The following CCDC73 variants were observed in gnomAD, a reference collection of about 807,000 sequenced individuals.
The protein encoded by CCDC73 is coiled-coil domain containing 73, also known as coiled-coil domain-containing protein 73.
A neutral mutation model predicts 116.5 loss-of-function variants in CCDC73; 95 were observed. The observed-to-expected ratio is 0.82, with a 90% CI of 0.69 to 0.97. CCDC73 has a LOEUF of 0.97. Ranked by LOEUF, CCDC73 falls within the 50% of genes least tolerant of loss-of-function variation. CCDC73 has a pLI of 0.00. For missense variants in CCDC73, 1,066 were observed against 1,206.8 expected (o/e 0.88, Z 1.73); for synonymous variants, 398 against 401.3 (o/e 0.99, Z 0.10).
intron 2 of CCDC73, among the ~76,000 whole-genome samples, chr11:32,719,326 G>C (rs1849970871): frequency 6.6e-6 from 1 of 152,164 alleles, no homozygotes; most frequent in Admixed American, 6.5e-5. Flanking sequence ...GAGCCCTTCT[G>C]CAAAATCTAG....
At chr11:32,776,982 T>C (rs1482513134) in intron 1 of CCDC73, among the ~76,000 whole-genome samples, 5 of 87,546 alleles carry the variant, frequency 5.7e-5, no homozygotes, top group East Asian at 4.9e-4. Context: ...CATATATATA[T>C]ACACATGTAT....
At chr11:32,717,933 A>T (rs1849959563) in intron 3 of CCDC73, 143 bp downstream of exon 3, 2 of 557,982 alleles carry the variant, frequency 3.6e-6, no homozygotes, top group Admixed American at 7.3e-5. Context: ...TCTCATGAGA[A>T]CTATCAGGAG....
At chr11:32,752,372 CA>C (rs1850294189) in intron 2 of CCDC73, among the ~76,000 whole-genome samples, 1 of 152,074 alleles carries the variant, frequency 6.6e-6, no homozygotes, top group African/African-American at 2.4e-5. Flanking sequence ...ATCACTGTAG[CA>C]AAATATTTGC....
intron 6 of CCDC73, among the ~76,000 whole-genome samples, chr11:32,692,049 CAAAAAAAAAA>C (rs1173539877): frequency 1.6e-5 from 1 of 60,754 alleles, no homozygotes; most frequent in Non-Finnish European, 3.5e-5. Flanking sequence ...CTCCGTCTCA[CAAAAAAAAAA>C]AAAAAAAAAA....
intron 2 of CCDC73, among the ~76,000 whole-genome samples, chr11:32,733,070 G>A (rs1565087704): frequency 6.6e-6 from 1 of 152,114 alleles, no homozygotes; most frequent in Non-Finnish European, 1.5e-5. Context: ...AGGGATGGAG[G>A]AAGATCTACC....
intron 14 of CCDC73, among the ~76,000 whole-genome samples, chr11:32,630,828 T>G (rs928983804): frequency 1.3e-5 from 2 of 151,920 alleles, no homozygotes; most frequent in Admixed American, 1.3e-4. Context: ...ATGTTATAAT[T>G]CAACATAAGA....
Position 32,768,430 on chromosome 11 carries a change from C to G in CCDC73, c.-15-8172G>C, listed in dbSNP as rs1850463027. On this transcript the variant is annotated intron_variant, in intron 1 of 17. Coordinates refer to ENST00000335185, the MANE Select transcript of CCDC73 (RefSeq NM_001008391.4). ...GGTACATGTATACATATGTAACAAA[C>G]CTGCACGTTGTGCACATGCATCCTA... 3.3e-5 allele frequency among the ~76,000 whole-genome samples: 5 copies of G among 151,880 alleles called. No individual in the cohort carries two copies. In the South Asian group the frequency reaches 1.0e-3, roughly 31 times the overall value.
At chr11:32,664,631 G>T (rs1855963059) in intron 9 of CCDC73, among the ~76,000 whole-genome samples, 1 of 152,034 alleles carries the variant, frequency 6.6e-6, no homozygotes, top group Non-Finnish European at 1.5e-5. Flanking sequence ...AAAATCAGCT[G>T]CTGCATTCAA....
chr11:32,675,929 T>C lies in CCDC73; in HGVS notation c.522A>G (p.Gln174=), dbSNP rs1235399987. Residue 174 remains glutamine, a synonymous_variant, in exon 8 of 18, where the codon CAA becomes CAG. Transcript: ENST00000335185. ...CATGATTCTCTTTTACCAATCCAAATTGACCTGTTATTGTGGCATAATATT... is the reference window on the plus strand; with the variant it reads ...CATGATTCTCTTTTACCAATCCAAACTGACCTGTTATTGTGGCATAATATT... ...IEKYYATITG[Q]FGLVKENHEK... is the part of the protein sequence containing the mutation. The C allele has an allele frequency of 2.5e-6, 4 of 1,609,292 alleles. No homozygotes were observed. Among genetic ancestry groups the C allele is most frequent in the African/African-American group, 1.3e-5 (1 of 74,896 alleles).
chr11:32,803,387 G>A, the CCDC73 span, among the ~76,000 whole-genome samples: 1 of 152,006 alleles, frequency 6.6e-6, no homozygotes, highest in African/African-American at 2.4e-5. Context: ...CACCACACCT[G>A]GCCAGTATTT....
intron 1 of CCDC73, among the ~76,000 whole-genome samples, chr11:32,786,226 A>G (rs1850624966): frequency 6.6e-6 from 1 of 151,564 alleles, no homozygotes. Flanking sequence ...CCATTAAGAA[A>G]TGCTTACTGA....
Position 32,763,779 on chromosome 11 carries a change from T to C in CCDC73, c.-15-3521A>G, listed in dbSNP as rs565287775. Among the ~76,000 whole-genome samples the C allele has an allele frequency of 2.6e-5, 4 of 152,296 alleles. No homozygotes were observed. The East Asian group carries it at 7.7e-4, about 29-fold the overall frequency. On this transcript the variant is annotated intron_variant, in intron 1 of 17. Transcript: ENST00000335185. ...GCTGAATGGAGAATGACTTTGACGA[T>C]TTGAGAGAAGAAGGCTTCAGATGAT...
At chr11:32,735,642 A>G (rs988182306) in intron 2 of CCDC73, among the ~76,000 whole-genome samples, 10 of 152,254 alleles carry the variant, frequency 6.6e-5, no homozygotes, top group African/African-American at 2.2e-4. Context: ...CTTTCTTCAC[A>G]GAATTGGAAA....
chr11:32,745,396 G>A (rs982817044), intron 2 of CCDC73, among the ~76,000 whole-genome samples: 1 of 152,212 alleles, frequency 6.6e-6, no homozygotes, highest in Non-Finnish European at 1.5e-5. Flanking sequence ...TTGGGGCGGA[G>A]AGTTCTGTAG....
At chr11:32,641,609 T>A (rs1207430093) in intron 13 of CCDC73, among the ~76,000 whole-genome samples, 1 of 151,708 alleles carries the variant, frequency 6.6e-6, no homozygotes, top group African/African-American at 2.4e-5. Flanking sequence ...AGTACATATA[T>A]AATTATTTTA....
At chr11:32,645,524 C>T (rs1339730262) in intron 12 of CCDC73, among the ~76,000 whole-genome samples, 1 of 151,926 alleles carries the variant, frequency 6.6e-6, no homozygotes, top group East Asian at 1.9e-4. Flanking sequence ...CTCCGGACCT[C>T]GTGATCCGCC....
intron 9 of CCDC73, among the ~76,000 whole-genome samples, chr11:32,662,435 GTGA>G (rs1855938114): frequency 6.6e-6 from 1 of 152,156 alleles, no homozygotes; most frequent in African/African-American, 2.4e-5. Context: ...CTGATGGCCA[GTGA>G]TGATGAGCAT....
intron 14 of CCDC73, among the ~76,000 whole-genome samples, chr11:32,629,933 A>AC (rs1176168902): frequency 6.7e-6 from 1 of 148,630 alleles, no homozygotes; most frequent in Non-Finnish European, 1.5e-5. Flanking sequence ...AAAAAAAAAA[A>AC]ACAAAAAAAA....
At chr11:32,667,628 G>A (rs911314440) in intron 9 of CCDC73, among the ~76,000 whole-genome samples, 11 of 152,104 alleles carry the variant, frequency 7.2e-5, no homozygotes, top group South Asian at 2.1e-4. Flanking sequence ...GCGATGCCTC[G>A]CCCTGCTTCA....
Sources: allele counts gnomAD v4.1 joint callset (sites outside exome capture counted in the v4.1 genomes callset), GRCh38; gene constraint gnomAD v4.1.1; transcripts MANE v1.5; gene names NCBI Gene and HGNC (gene_info 2026-07-23, HGNC 2026-07-21).